The following DAGLB variants were observed in gnomAD, a reference collection of about 807,000 sequenced individuals.
The protein encoded by DAGLB is diacylglycerol lipase beta, also known as diacylglycerol lipase-beta.
In DAGLB, 66 loss-of-function variants were observed where a neutral mutation model predicts 72.1. That is an observed-to-expected ratio of 0.92 (90% CI 0.75 to 1.12). The LOEUF (loss-of-function observed/expected upper bound fraction) is 1.12, where lower values mean the gene tolerates loss of function less well. DAGLB is among the 50% of genes most tolerant of loss of function. The pLI is 0.00. For missense variants in DAGLB, 1,065 were observed against 884.9 expected, an observed-to-expected ratio of 1.20 and a Z score of -2.58; for synonymous variants, 414 against 359.5, an observed-to-expected ratio of 1.15 and a Z score of -1.71.
At chr7:6,435,822 T>C (rs1202926685) in intron 3 of DAGLB, among the ~76,000 whole-genome samples, 1 of 152,170 alleles carries the variant, frequency 6.6e-6, no homozygotes, top group Non-Finnish European at 1.5e-5. Context: ...CCTGGCGGTG[T>C]GACTCGAGAA....
intron 2 of DAGLB, among the ~76,000 whole-genome samples, chr7:6,438,752 G>C (rs1234675161): frequency 6.6e-6 from 1 of 152,174 alleles, no homozygotes; most frequent in African/African-American, 2.4e-5. Context: ...ATAAGATATT[G>C]ATCCCAGCAC....
rs115294117 is a variant in DAGLB at position 6,422,108 on chromosome 7, C to T, written c.1141-304G>A. ...ATTCTAAGGACCCCGTGGCACAGAACCTGTGCCAGGGTTCTGAACAAAGCC... is the reference window on the plus strand; with the variant it reads ...ATTCTAAGGACCCCGTGGCACAGAATCTGTGCCAGGGTTCTGAACAAAGCC... On this transcript the variant is annotated intron_variant, in intron 8 of 14. Transcript: ENST00000297056. 1,687 of 440,444 alleles carry T rather than the reference C, an allele frequency of 3.8e-3. 27 individuals carry two copies. The highest frequency in any genetic ancestry group is 0.031 in the African/African-American group (1,553 of 50,116). 27.3% of individuals were successfully genotyped at this position (440,444 alleles called of 1,614,324 possible). A position where few individuals can be genotyped will look rare whatever the true frequency, so the allele number is the denominator to read the frequency against.
intron 13 of DAGLB, among the ~76,000 whole-genome samples, chr7:6,412,050 G>T (rs759386229): frequency 6.6e-6 from 1 of 152,036 alleles, no homozygotes; most frequent in Non-Finnish European, 1.5e-5. Flanking sequence ...AAGTAGCTGG[G>T]ATTACAGGCA....
chr7:6,440,101 T>A (rs1300986341), intron 2 of DAGLB, among the ~76,000 whole-genome samples: 1 of 151,260 alleles, frequency 6.6e-6, no homozygotes, highest in African/African-American at 2.4e-5. Context: ...TATCAAAGTT[T>A]TCCTCAAATG....
chr7:6,440,774 C>A (rs572637517), intron 2 of DAGLB, among the ~76,000 whole-genome samples: 89 of 152,154 alleles, frequency 5.8e-4, no homozygotes, highest in African/African-American at 1.9e-3. Flanking sequence ...GAGGCTGAGC[C>A]AGGAGAACTG....
rs1783665148 is a variant in DAGLB at position 6,410,023 on chromosome 7, G to A, written c.1833C>T (p.Cys611=). 1 of 1,613,428 alleles carries A rather than the reference G, an allele frequency of 6.2e-7. No individual in the cohort carries two copies. The highest frequency in any genetic ancestry group is 8.5e-7 in the Non-Finnish European group (1 of 1,179,560). ...EEGASGRFGC[C]SAAHYSAKWS... ...ACTTGGCGCTATAGTGAGCAGCAGA[G>A]CAGCAGCCAAACCTGAAGCAGAAAA... The change falls in exon 15 of 15, where the codon TGC becomes TGT. Residue 611 remains cysteine (C), a synonymous_variant. Coordinates refer to ENST00000297056, the MANE Select transcript of DAGLB (RefSeq NM_139179.4).
At position 6,409,900 on chromosome 7, in the gene DAGLB, G is replaced by T. The variant is rs1783660632; in HGVS notation, c.1956C>A (p.Val652=). ...DILMRALDSV[V]SDRAACVSCP... ...AGGAGACGCAGGCCGCTCTGTCGGA[G>T]ACCACGCTGTCCAAGGCCCGCATCA... The change falls in exon 15 of 15, where the codon GTC becomes GTA. Residue 652 remains valine (V), a synonymous_variant. Coordinates refer to ENST00000297056, the MANE Select transcript of DAGLB (RefSeq NM_139179.4). The T allele has an allele frequency of 6.2e-7, 1 of 1,614,008 alleles. No homozygotes were observed. Among genetic ancestry groups the T allele is most frequent in the African/African-American group, 1.3e-5 (1 of 74,938 alleles).
intron 6 of DAGLB, among the ~76,000 whole-genome samples, chr7:6,430,233 GA>G (rs1454492315): frequency 5.4e-5 from 5 of 93,318 alleles, no homozygotes; most frequent in Non-Finnish European, 1.0e-4. Context: ...ATGGTTCGGG[GA>G]AAAAAAATAC....
Position 6,409,472 on chromosome 7 carries a change from G to GT in DAGLB, c.*364_*365insA. The stretch of plus-strand genomic sequence containing the variant: ...GAGTTGGATGAAAAGAGCTGCCTTG[G>GT]GGGTGGGAGGCTAAGGAACTGTTCA... On this transcript the variant is annotated 3_prime_UTR_variant, in exon 15 of 15. Coordinates refer to ENST00000297056, the MANE Select transcript of DAGLB (RefSeq NM_139179.4). 1 of 247,954 alleles carries GT rather than the reference G, an allele frequency of 4.0e-6. No individual in the cohort carries two copies. The highest frequency in any genetic ancestry group is 2.2e-5 in the African/African-American group (1 of 44,806). 15.4% of individuals were successfully genotyped at this position (247,954 alleles called of 1,614,324 possible).
intron 4 of DAGLB, 136 bp downstream of exon 4, chr7:6,434,626 G>A (rs1784595686): frequency 7.1e-7 from 1 of 1,405,016 alleles, no homozygotes; most frequent in Non-Finnish European, 9.7e-7. Flanking sequence ...CACAGACAGA[G>A]GGTCTCCGGC....
chr7:6,416,643 G>A lies in DAGLB; in HGVS notation c.1411C>T (p.Pro471Ser), dbSNP rs781034105. The change falls in exon 11 of 15, where the codon CCC becomes TCC. Residue 471 changes from proline to serine, a missense_variant. Transcript: ENST00000297056. Reference sequence around the variant, plus strand: ...AAGGCTCACCTCCACAGCCCCCGGGGTGGGGAGAAGGCGTAGCACCTGACC... The same window carrying A: ...AAGGCTCACCTCCACAGCCCCCGGGATGGGGAGAAGGCGTAGCACCTGACC... ...PQVRCYAFSP[P>S]RGLWSKALQE... 1 of 1,610,896 alleles carries A rather than the reference G, an allele frequency of 6.2e-7. No homozygotes were observed. Among genetic ancestry groups the A allele is most frequent in the South Asian group, 1.1e-5 (1 of 90,906 alleles).
chr7:6,446,108 G>GT lies in DAGLB; in HGVS notation c.96-5_96-4insA. On this transcript the variant is annotated splice_polypyrimidine_tract_variant and splice_region_variant and intron_variant, in intron 1 of 14. Transcript: ENST00000297056. ...CAACGTCAGAATGCCAATCCACCTG[G>GT]CAAAAAAAAAAAAGGGAAGGGTCAG... 1 of 1,557,712 alleles carries GT rather than the reference G, an allele frequency of 6.4e-7. No homozygotes were observed. The highest frequency in any genetic ancestry group is 8.6e-7 in the Non-Finnish European group (1 of 1,157,532).
chr7:6,430,335 G>A (rs1784447920), intron 6 of DAGLB, 145 bp downstream of exon 6: 37 of 957,034 alleles, frequency 3.9e-5, no homozygotes, highest in South Asian at 9.8e-5. Context: ...CAGCGCATGT[G>A]ACCAGATGAG....
At chr7:6,411,978 C>CAGTGGTGT (rs57637584) in intron 13 of DAGLB, among the ~76,000 whole-genome samples, 2 of 151,874 alleles carry the variant, frequency 1.3e-5, no homozygotes, top group South Asian at 2.1e-4. Context: ...GGCTGGAGTG[C>CAGTGGTGT]GATCTTGGCT....
chr7:6,438,120 G>GC (rs1359472492), intron 2 of DAGLB, among the ~76,000 whole-genome samples: 1 of 151,738 alleles, frequency 6.6e-6, no homozygotes, highest in East Asian at 1.9e-4. Context: ...ACCAAACACC[G>GC]CATGTTTTCA....
chr7:6,416,786 G>A (rs1766276024), intron 10 of DAGLB, 32 bp from the exon 11 acceptor site: 10 of 1,614,098 alleles, frequency 6.2e-6, no homozygotes, highest in Non-Finnish European at 8.5e-6. Context: ...GAGGTGAAGG[G>A]TAAAAACAAC....
chr7:6,409,466 G>A lies in DAGLB; in HGVS notation c.*371C>T, dbSNP rs1783642024. 1 of 228,456 alleles carries A rather than the reference G, an allele frequency of 4.4e-6. No homozygotes were observed. Among genetic ancestry groups the A allele is most frequent in the Non-Finnish European group, 8.2e-6 (1 of 122,048 alleles). 14.2% of individuals were successfully genotyped at this position (228,456 alleles called of 1,614,324 possible). ...TAAACTGAGTTGGATGAAAAGAGCT[G>A]CCTTGGGGGTGGGAGGCTAAGGAAC... On this transcript the variant is annotated 3_prime_UTR_variant, in exon 15 of 15. Transcript: ENST00000297056.
intron 11 of DAGLB, chr7:6,416,224 C>G (rs1253838429): frequency 1.9e-5 from 3 of 159,424 alleles, no homozygotes; most frequent in Admixed American, 1.2e-4. Context: ...GCTAGACAGA[C>G]TTTCTTCTGT....
At chr7:6,410,530 T>C in intron 13 of DAGLB, 150 bp from the exon 14 acceptor site, 1 of 1,223,392 alleles carries the variant, frequency 8.2e-7, no homozygotes, top group South Asian at 1.6e-5. Context: ...ACCGGCGAGC[T>C]GTGCTGGGTG....
Sources: gnomAD v4.1 joint callset for allele counts (sites outside exome capture counted in the v4.1 genomes callset) on GRCh38, gnomAD v4.1.1 for gene constraint, MANE v1.5 for transcripts, NCBI Gene and HGNC (gene_info 2026-07-23, HGNC 2026-07-21) for gene names.